TLE1: variants seen among roughly 807,000 people sequenced by gnomAD.
TLE1 encodes the protein TLE family member 1, transcriptional corepressor, also known as transducin-like enhancer protein 1.
TLE1 carries 21 observed loss-of-function variants against 89.8 expected under a neutral mutation model. The observed-to-expected ratio is 0.23, with a 90% CI of 0.17 to 0.34. The LOEUF (loss-of-function observed/expected upper bound fraction) is 0.34, where lower values mean the gene tolerates loss of function less well. Among genes scored for constraint, TLE1 ranks in the 10% least tolerant of loss-of-function variants. The pLI is 1.00. For missense variants in TLE1, 795 were observed against 1,031.2 expected (o/e 0.77, Z 3.14); for synonymous variants, 447 against 407.6 (o/e 1.10, Z -1.16).
chr9:81,630,818 T>C (rs921692127), intron 8 of TLE1, among the ~76,000 whole-genome samples: 6 of 152,254 alleles, frequency 3.9e-5, no homozygotes, highest in Admixed American at 6.5e-5. Flanking sequence ...TCCACTGCTT[T>C]TCATACTCAT....
chr9:81,597,715 CCACTCGACTTCA>C lies in TLE1; in HGVS notation c.1332-4453_1332-4442del, dbSNP rs1830415246. On this transcript the variant is annotated intron_variant, in intron 14 of 19. Coordinates refer to ENST00000376499, the MANE Select transcript of TLE1 (RefSeq NM_005077.5). ...GTGTCAGAATCGAAAAGAATAAAGC[CCACTCGACTTCA>C]CAGATGTAAAACATGAATGATATAA... Among the ~76,000 whole-genome samples the C allele has an allele frequency of 5.3e-5, 8 of 152,108 alleles. 1 individual carries two copies. The South Asian group carries it at 1.7e-3, about 32-fold the overall frequency.
At chr9:81,615,180 G>A (rs1259338400) in intron 11 of TLE1, among the ~76,000 whole-genome samples, 3 of 148,520 alleles carry the variant, frequency 2.0e-5, no homozygotes. Context: ...AATGTATGGT[G>A]GTACCAGGCG....
At chr9:81,661,229 T>C (rs1483327505) in intron 4 of TLE1, among the ~76,000 whole-genome samples, 1 of 148,592 alleles carries the variant, frequency 6.7e-6, no homozygotes, top group Non-Finnish European at 1.5e-5. Context: ...TATCTTTTTT[T>C]CAAGATATGG....
At chr9:81,593,711 C>T (rs946394653) in intron 14 of TLE1, among the ~76,000 whole-genome samples, 8 of 152,056 alleles carry the variant, frequency 5.3e-5, no homozygotes, top group Non-Finnish European at 1.2e-4. Flanking sequence ...AATAATTAAA[C>T]AGAGTAGATA....
chr9:81,597,898 T>A (rs1433687440), intron 14 of TLE1, among the ~76,000 whole-genome samples: 2 of 152,158 alleles, frequency 1.3e-5, no homozygotes, highest in African/African-American at 4.8e-5. Flanking sequence ...GGTTGTTTTT[T>A]CCTAGCAGAC....
At chr9:81,682,657 C>T (rs1418615060) in intron 4 of TLE1, among the ~76,000 whole-genome samples, 2 of 152,172 alleles carry the variant, frequency 1.3e-5, no homozygotes, top group African/African-American at 4.8e-5. Flanking sequence ...ACACACTAGG[C>T]ACAGCTAGGC....
Position 81,587,789 on chromosome 9 carries a change from G to A in TLE1, c.1869C>T (p.Asp623=), listed in dbSNP as rs371089248. 197 of 1,614,048 alleles carry A rather than the reference G, an allele frequency of 1.2e-4. No homozygotes were observed. Among genetic ancestry groups the A allele is most frequent in the Non-Finnish European group, 1.6e-4 (186 of 1,180,036 alleles). The part of the protein sequence containing the change: ...QGHTDGASCI[D]ISNDGTKLWT... ...AGAGCTTGGTGCCATCATTAGAAAT[G>A]TCAATACAGCTGGCTCCGTCTGTGT... Residue 623 remains aspartate (D), a synonymous_variant, in exon 17 of 20, where the codon GAC becomes GAT. Transcript: ENST00000376499.
intron 14 of TLE1, among the ~76,000 whole-genome samples, chr9:81,604,380 C>CA (rs1831362765): frequency 1.3e-5 from 2 of 152,082 alleles, no homozygotes; most frequent in Non-Finnish European, 2.9e-5. Context: ...AGGGCTGAAG[C>CA]GACAGACAAA....
chr9:81,615,108 AAAAAAAAAAAAAAG>A (rs1824273948), intron 11 of TLE1, among the ~76,000 whole-genome samples: 1 of 121,290 alleles, frequency 8.2e-6, no homozygotes, highest in South Asian at 2.5e-4. Flanking sequence ...AAAAAAAAAA[AAAAAAAAAAAAAAG>A]AAGAAGAAGA....
chr9:81,625,729 G>A (rs866406902), intron 8 of TLE1, among the ~76,000 whole-genome samples: 10 of 152,056 alleles, frequency 6.6e-5, no homozygotes, highest in African/African-American at 1.9e-4. Context: ...CACAAGTGAT[G>A]TGTCTATTTC....
chr9:81,641,672 C>CA (rs1319581203), intron 6 of TLE1, among the ~76,000 whole-genome samples: 7 of 152,166 alleles, frequency 4.6e-5, no homozygotes, highest in South Asian at 2.1e-4. Context: ...AACAGATATA[C>CA]AAAAAAATGC....
intron 14 of TLE1, among the ~76,000 whole-genome samples, chr9:81,608,478 C>T (rs1823263277): frequency 1.3e-5 from 2 of 152,090 alleles, no homozygotes; most frequent in Admixed American, 1.3e-4. Flanking sequence ...TGTGCCACTG[C>T]ATTTCAGCCT....
chr9:81,658,620 G>A (rs945019317), intron 4 of TLE1, among the ~76,000 whole-genome samples: 28 of 152,194 alleles, frequency 1.8e-4, no homozygotes, highest in Admixed American at 5.2e-4. Context: ...AGGCGCTGAC[G>A]TCCTCTGAAA....
intron 15 of TLE1, 77 bp from the exon 16 acceptor site, chr9:81,591,129 G>A: frequency 6.5e-7 from 1 of 1,547,416 alleles, no homozygotes; most frequent in South Asian, 1.2e-5. Context: ...TGGCTGTCTT[G>A]GTTTTTTGAG....
chr9:81,652,370 G>C, intron 5 of TLE1, 82 bp from the exon 6 acceptor site: 1 of 1,175,978 alleles, frequency 8.5e-7, no homozygotes, highest in Non-Finnish European at 1.3e-6. Context: ...GTCAAATGCT[G>C]TGTGCAATGC....
At chr9:81,632,750 T>TAAAAA (rs1826837538) in intron 8 of TLE1, among the ~76,000 whole-genome samples, 1 of 137,056 alleles carries the variant, frequency 7.3e-6, no homozygotes, top group Non-Finnish European at 1.7e-5. Flanking sequence ...TGAATTTCCT[T>TAAAAA]CTTTTTAAGA....
intron 8 of TLE1, among the ~76,000 whole-genome samples, chr9:81,630,387 A>C (rs558691195): frequency 6.6e-6 from 1 of 152,202 alleles, no homozygotes; most frequent in Admixed American, 6.5e-5. Flanking sequence ...TCTTCCCACT[A>C]TAATTTTTTT....
chr9:81,684,084 C>CTCAG (rs1833954679), intron 4 of TLE1, among the ~76,000 whole-genome samples: 1 of 151,504 alleles, frequency 6.6e-6, no homozygotes, highest in South Asian at 2.1e-4. Context: ...TAAGAAAAAG[C>CTCAG]TCAGTCTCCT....
chr9:81,683,299 C>T (rs1833853460), intron 4 of TLE1, among the ~76,000 whole-genome samples: 2 of 151,378 alleles, frequency 1.3e-5, no homozygotes, highest in African/African-American at 2.4e-5. Context: ...GCCTTGCTAG[C>T]ATTTGGTTAT....
Sources: allele counts gnomAD v4.1 joint callset (sites outside exome capture counted in the v4.1 genomes callset), GRCh38; gene constraint gnomAD v4.1.1; transcripts MANE v1.5; gene names NCBI Gene and HGNC (gene_info 2026-07-23, HGNC 2026-07-21).